The following PDE4DIP variants were observed in gnomAD, a reference collection of about 807,000 sequenced individuals.
The protein encoded by PDE4DIP is myomegalin.
A neutral mutation model predicts 221.4 loss-of-function variants in PDE4DIP; 59 were observed. That is an observed-to-expected ratio of 0.27 (90% CI 0.22 to 0.33). The LOEUF is 0.33. Among genes scored for constraint, PDE4DIP ranks in the 10% least tolerant of loss-of-function variants. The pLI is 1.00. For missense variants in PDE4DIP, 1,036 were observed against 2,154.2 expected, an observed-to-expected ratio of 0.48 and a Z score of 10.28; for synonymous variants, 404 against 815.9, an observed-to-expected ratio of 0.50 and a Z score of 8.60.
chr1:148,975,175 G>C (rs1208823007), intron 17 of PDE4DIP, among the ~76,000 whole-genome samples: 2 of 146,486 alleles, frequency 1.4e-5, no homozygotes, highest in Non-Finnish European at 3.0e-5. Context: ...CCGCCTCCAA[G>C]ATAATAATAA....
At chr1:148,927,265 A>T (rs2046925270) in intron 1 of PDE4DIP, among the ~76,000 whole-genome samples, 1 of 151,988 alleles carries the variant, frequency 6.6e-6, no homozygotes, top group African/African-American at 2.4e-5. Context: ...TTTTCATCTC[A>T]CTGGATCTGA....
intron 5 of PDE4DIP, among the ~76,000 whole-genome samples, chr1:148,938,658 G>A (rs2049827245): frequency 6.6e-6 from 1 of 152,220 alleles, no homozygotes; most frequent in Admixed American, 6.5e-5. Flanking sequence ...CTATGAGCTA[G>A]GCATATTCTC....
chr1:148,818,009 G>T (rs1280054209), intron 1 of PDE4DIP, among the ~76,000 whole-genome samples: 14 of 148,926 alleles, frequency 9.4e-5, no homozygotes, highest in Admixed American at 9.3e-4. Flanking sequence ...TAGAGATGGG[G>T]TTTCACCATG....
rs1397720455 is a variant in PDE4DIP, at chr1:148,953,999, T to C, written c.637-6655T>C. The C allele has an allele frequency of 1.2e-5, 9 of 733,006 alleles. No individual in the cohort carries two copies. In the African/African-American group the frequency reaches 1.4e-4, roughly 12 times the overall value. The allele number at this position is 733,006 out of a possible 1,614,324, so 45.4% of individuals were successfully genotyped here. A position where few individuals can be genotyped will look rare whatever the true frequency, so the allele number is the denominator to read the frequency against. On this transcript the variant is annotated intron_variant, in intron 5 of 43. Transcript: ENST00000369354. ...GTCTAGGTGGAGGTTAGAAATATTC[T>C]GGACTTGAGAAAATTAGTCATGACC...
chr1:148,977,508 G>A (rs1553538593), intron 17 of PDE4DIP, among the ~76,000 whole-genome samples: 3 of 134,092 alleles, frequency 2.2e-5, no homozygotes, highest in African/African-American at 5.7e-5. Flanking sequence ...GTGATCTCTC[G>A]TGATGTTAGC....
intron 3 of PDE4DIP, among the ~76,000 whole-genome samples, chr1:148,877,354 C>G (rs1432199555): frequency 6.8e-6 from 1 of 147,376 alleles, no homozygotes; most frequent in Non-Finnish European, 1.5e-5. Flanking sequence ...TTCTTTATAA[C>G]TGAGTATTAT....
At chr1:148,952,154 G>C (rs1322600900) in intron 5 of PDE4DIP, 1 of 1,033,918 alleles carries the variant, frequency 9.7e-7, no homozygotes, top group African/African-American at 1.7e-5. Context: ...GCGACTTTCA[G>C]GTGAGGTCTT....
intron 1 of PDE4DIP, among the ~76,000 whole-genome samples, chr1:148,919,667 A>G (rs1553460882): frequency 1.3e-5 from 2 of 151,890 alleles, no homozygotes; most frequent in African/African-American, 4.9e-5. Flanking sequence ...AGAAGAGATA[A>G]GATTCTAAAA....
exon 44 of PDE4DIP, chr1:149,032,034 T>C (rs782749606): frequency 2.0e-5 from 32 of 1,611,156 alleles, no homozygotes; most frequent in South Asian, 7.7e-5. Context: ...CAGAAGTCCT[T>C]AAAACAGCAG....
intron 43 of PDE4DIP, 22 bp from the exon 47 acceptor site, chr1:149,031,922 T>C (rs782581794): frequency 3.6e-5 from 57 of 1,597,412 alleles, no homozygotes; most frequent in Non-Finnish European, 4.7e-5. Context: ...ACTGATTTGG[T>C]TTGTTTTATG....
chr1:148,956,054 T>C (rs1174890914), intron 5 of PDE4DIP, among the ~76,000 whole-genome samples: 1 of 152,158 alleles, frequency 6.6e-6, no homozygotes, highest in Non-Finnish European at 1.5e-5. Flanking sequence ...CTTAAGAGCC[T>C]TATGACAAAA....
intron 1 of PDE4DIP, among the ~76,000 whole-genome samples, chr1:148,820,992 C>A (rs1181468185): frequency 6.7e-6 from 1 of 150,320 alleles, no homozygotes. Context: ...ACTGGGATTA[C>A]AGGCACCCAA....
At chr1:149,015,169 T>C (rs1440753005) in intron 32 of PDE4DIP, among the ~76,000 whole-genome samples, 2 of 151,938 alleles carry the variant, frequency 1.3e-5, no homozygotes, top group African/African-American at 4.8e-5. Flanking sequence ...CCTATTAGAA[T>C]TACCTAAAAT....
At chr1:149,015,740 C>T (rs1364246022) in intron 32 of PDE4DIP, among the ~76,000 whole-genome samples, 4 of 150,558 alleles carry the variant, frequency 2.7e-5, no homozygotes, top group African/African-American at 7.3e-5. Context: ...TACATAGGCC[C>T]TTCCCCAGCC....
intron 1 of PDE4DIP, among the ~76,000 whole-genome samples, chr1:148,846,431 C>G (rs1428960427): frequency 3.5e-5 from 1 of 28,812 alleles, no homozygotes; most frequent in Non-Finnish European, 5.8e-5. Flanking sequence ...GCAACAAAAG[C>G]GAAACTCCGC....
chr1:149,029,165 G>A (rs1406779494), intron 41 of PDE4DIP, among the ~76,000 whole-genome samples: 1 of 152,102 alleles, frequency 6.6e-6, no homozygotes, highest in African/African-American at 2.4e-5. Flanking sequence ...ACTTAAGCTG[G>A]CATCGCTGGA....
intron 23 of PDE4DIP, among the ~76,000 whole-genome samples, chr1:148,999,422 G>A (rs587638407): frequency 1.2e-4 from 19 of 152,172 alleles, no homozygotes; most frequent in African/African-American, 4.1e-4. Flanking sequence ...GCCTCATGTC[G>A]TTGTTTCATA....
chr1:148,953,095 C>A, intron 5 of PDE4DIP: 1 of 1,614,002 alleles, frequency 6.2e-7, no homozygotes, highest in Non-Finnish European at 8.5e-7. Flanking sequence ...ATGACTCTGG[C>A]GCGGAGATCA....
chr1:148,954,901 G>T (rs1413774477), intron 5 of PDE4DIP, among the ~76,000 whole-genome samples: 1 of 152,210 alleles, frequency 6.6e-6, no homozygotes, highest in Non-Finnish European at 1.5e-5. Context: ...CCTGCTACTG[G>T]TCAACGTCAT....
Sources: gnomAD v4.1 joint callset for allele counts (sites outside exome capture counted in the v4.1 genomes callset) on GRCh38, gnomAD v4.1.1 for gene constraint, MANE v1.5 for transcripts, NCBI Gene and HGNC (gene_info 2026-07-23, HGNC 2026-07-21) for gene names.